NRDE2: variants seen among roughly 807,000 people sequenced by gnomAD.
NRDE2 encodes nuclear exosome regulator NRDE2.
NRDE2 carries 76 observed loss-of-function variants against 124.2 expected under a neutral mutation model. The observed-to-expected ratio is 0.61, with a 90% CI of 0.51 to 0.74. The LOEUF is 0.74. Among genes scored for constraint, NRDE2 ranks in the 30% least tolerant of loss-of-function variants. The pLI is 0.00. For synonymous variants in NRDE2, 489 were observed against 528.1 expected (o/e 0.93, Z 1.01); for missense variants, 1,314 against 1,417.3 (o/e 0.93, Z 1.17).
At chr14:90,324,266 T>C (rs1440230637) in intron 1 of NRDE2, among the ~76,000 whole-genome samples, 1 of 152,018 alleles carries the variant, frequency 6.6e-6, no homozygotes, top group Non-Finnish European at 1.5e-5. Flanking sequence ...TTAAAAAACA[T>C]GTTTGAGAGC....
rs1884464029 is a variant in NRDE2 at position 90,303,077 on chromosome 14, G to T, written c.1054C>A (p.Gln352Lys). 1 of 1,613,944 alleles carries T rather than the reference G, an allele frequency of 6.2e-7. No individual in the cohort carries two copies. Among genetic ancestry groups the T allele is most frequent in the Admixed American group, 1.7e-5 (1 of 60,008 alleles). ...TTCAGGGACCTCTTTCGCTTTTCCT[G>T]CTCTCCTTCCTCGATGGCATACAGG... is the stretch of plus-strand genomic sequence containing the variant. ...PGLYAIEEGEQEKRKRSLKLI... is the reference protein window; with the variant it reads ...PGLYAIEEGEKEKRKRSLKLI... The change falls in exon 6 of 14, where the codon CAG (glutamine) becomes AAG (lysine). Residue 352 changes from glutamine to lysine, a missense_variant. Transcript: ENST00000354366.
In NRDE2 at chr14:90,288,711, G is replaced by A. The variant is rs376403202; in HGVS notation, c.2664C>T (p.Asp888=). 6.2e-7 allele frequency: 1 copy of A among 1,614,076 alleles called. No individual in the cohort carries two copies. The highest frequency in any genetic ancestry group is 1.3e-5 in the African/African-American group (1 of 74,942). The part of the protein sequence containing the change: ...YEHALQDCLG[D]SCVSNPAPTD... ...TGGGAGCTGGATTGGAGACACAGCTGTCACCCAAACAGTCCTGCAGTGCGT... is the reference window on the plus strand; with the variant it reads ...TGGGAGCTGGATTGGAGACACAGCTATCACCCAAACAGTCCTGCAGTGCGT... Residue 888 remains aspartate (D), a synonymous_variant, in exon 11 of 14, where the codon GAC becomes GAT. Transcript: ENST00000354366.
At position 90,269,339 on chromosome 14, in the gene NRDE2, T is replaced by G; in HGVS notation, c.*8997A>C. 10 of 1,467,266 alleles carry G rather than the reference T, an allele frequency of 6.8e-6. No homozygotes were observed. Among genetic ancestry groups the G allele is most frequent in the Non-Finnish European group, 9.2e-6 (10 of 1,082,160 alleles). 90.9% of individuals were successfully genotyped at this position (1,467,266 alleles called of 1,614,324 possible). A position where few individuals can be genotyped will look rare whatever the true frequency, so the allele number is the denominator to read the frequency against. Reference sequence around the variant, plus strand: ...GTCACAATGAGGTCTTTGCTGTAATTCCCCTTGAGCAGGCGATCAGTTGAG... The same window carrying G: ...GTCACAATGAGGTCTTTGCTGTAATGCCCCTTGAGCAGGCGATCAGTTGAG... On this transcript the variant is annotated 3_prime_UTR_variant, in exon 14 of 14. Coordinates refer to ENST00000354366, the MANE Select transcript of NRDE2 (RefSeq NM_017970.4).
chr14:90,312,286 C>T (rs1286286920), intron 4 of NRDE2, 108 bp downstream of exon 4: 1 of 1,044,968 alleles, frequency 9.6e-7, no homozygotes. Context: ...TAAAACCCAA[C>T]AGAACTGATG....
intron 1 of NRDE2, among the ~76,000 whole-genome samples, chr14:90,321,805 G>A (rs1256186378): frequency 1.3e-5 from 2 of 152,170 alleles, no homozygotes; most frequent in African/African-American, 2.4e-5. Flanking sequence ...TCTAGTCCAT[G>A]GACTTCCAAA....
intron 9 of NRDE2, among the ~76,000 whole-genome samples, chr14:90,291,996 G>C (rs1168201395): frequency 2.0e-5 from 3 of 152,342 alleles, no homozygotes; most frequent in Non-Finnish European, 1.5e-5. Context: ...ACACAGAGTT[G>C]GTATCTGGTT....
intron 10 of NRDE2, among the ~76,000 whole-genome samples, chr14:90,289,980 T>A (rs888607886): frequency 6.6e-6 from 1 of 152,198 alleles, no homozygotes; most frequent in African/African-American, 2.4e-5. Context: ...GACCTGGTAG[T>A]GCAAGATAAT....
rs1449944698 is a variant in NRDE2, at chr14:90,288,474, G to C, written c.2901C>G (p.Ser967Arg). The change falls in exon 11 of 14, where the codon AGC becomes AGG. Residue 967 changes from serine (S) to arginine (R), a missense_variant. Ser to Arg is a moderately radical substitution (Grantham distance 110, BLOSUM62 -1). Coordinates refer to ENST00000354366, the MANE Select transcript of NRDE2 (RefSeq NM_017970.4). ...TCACTTTCATGTGGAATCTCAGCAG[G>C]CTCGTGTGCATCAGTGTGATGGCTT... Reference protein sequence around the residue: ...VLEAITLMHTSLLRFHMKVSV... With the variant: ...VLEAITLMHTRLLRFHMKVSV... The C allele has an allele frequency of 2.5e-6, 4 of 1,614,186 alleles. No homozygotes were observed. In the African/African-American group the frequency reaches 5.3e-5, roughly 22 times the overall value.
At chr14:90,311,735 A>ATT (rs1244420866) in intron 4 of NRDE2, among the ~76,000 whole-genome samples, 3 of 152,182 alleles carry the variant, frequency 2.0e-5, no homozygotes, top group Admixed American at 6.5e-5. Flanking sequence ...CTTGGGCCAC[A>ATT]CATAAAATAC....
intron 1 of NRDE2, among the ~76,000 whole-genome samples, chr14:90,324,932 T>C (rs1264935603): frequency 6.6e-6 from 1 of 152,114 alleles, no homozygotes; most frequent in African/African-American, 2.4e-5. Context: ...GTGTGGAGAG[T>C]GGCTCAGGGA....
intron 8 of NRDE2, among the ~76,000 whole-genome samples, chr14:90,294,204 A>G (rs1892347846): frequency 6.6e-6 from 1 of 152,118 alleles, no homozygotes; most frequent in Non-Finnish European, 1.5e-5. Flanking sequence ...AAAGTTACAC[A>G]AAACACAACT....
chr14:90,288,526 C>A lies in NRDE2; in HGVS notation c.2849G>T (p.Ser950Ile). 6.2e-7 allele frequency: 1 copy of A among 1,614,208 alleles called. No individual in the cohort carries two copies. Residue 950 changes from serine to isoleucine, a missense_variant, in exon 11 of 14, where the codon AGC becomes ATC. Ser to Ile is a moderately radical substitution (Grantham distance 142). Transcript: ENST00000354366. Reference sequence around the variant, plus strand: ...GAGAACACTGGTCCAACTCTGGGAGCTGGCACTGTCCCCCTCGCCAGAGCC... The same window carrying A: ...GAGAACACTGGTCCAACTCTGGGAGATGGCACTGTCCCCCTCGCCAGAGCC... ...PEGSGEGDSA[S>I]SQSWTSVLEA...
rs749339210 is a variant in NRDE2, at chr14:90,288,767, G to T, written c.2608C>A (p.His870Asn). ...GPYTGQVLAV[H>N]ILKARKAYEH... ...TAAGCCTTTCGCGCTTTCAAAATGT[G>T]AACAGCCAACACCTGTCCAGTGTAG... The change falls in exon 11 of 14, where the codon CAC becomes AAC. Residue 870 changes from histidine (H) to asparagine (N), a missense_variant. His to Asn is a moderately conservative substitution (Grantham distance 68, BLOSUM62 1). Coordinates refer to ENST00000354366, the MANE Select transcript of NRDE2 (RefSeq NM_017970.4). 2 of 1,613,946 alleles carry T rather than the reference G, an allele frequency of 1.2e-6. No individual in the cohort carries two copies. The highest frequency in any genetic ancestry group is 4.5e-5 in the East Asian group (2 of 44,892).
At chr14:90,300,603 T>C (rs1019027914) in intron 7 of NRDE2, among the ~76,000 whole-genome samples, 8 of 151,272 alleles carry the variant, frequency 5.3e-5, no homozygotes, top group African/African-American at 1.5e-4. Context: ...ATCTCAAACA[T>C]TGGCAATGCT....
chr14:90,310,230 G>A (rs1469772191), intron 4 of NRDE2, among the ~76,000 whole-genome samples: 1 of 152,050 alleles, frequency 6.6e-6, no homozygotes, highest in East Asian at 1.9e-4. Flanking sequence ...TCTAGAAAAC[G>A]TCCTACCACA....
chr14:90,268,467 C>G lies in NRDE2; in HGVS notation c.*9869G>C, dbSNP rs1274780321. 6.4e-7 allele frequency: 1 copy of G among 1,556,662 alleles called. No homozygotes were observed. The highest frequency in any genetic ancestry group is 1.1e-5 in the South Asian group (1 of 87,020). The stretch of plus-strand genomic sequence containing the variant: ...GTTTAGTAGGGAACACCGCATAGCT[C>G]TTCTCTTGAGAATGAGCAATCTCAG... On this transcript the variant is annotated 3_prime_UTR_variant, in exon 14 of 14. Coordinates refer to ENST00000354366, the MANE Select transcript of NRDE2 (RefSeq NM_017970.4).
chr14:90,286,442 T>A lies in NRDE2; in HGVS notation c.3209A>T (p.His1070Leu). 2 of 1,614,206 alleles carry A rather than the reference T, an allele frequency of 1.2e-6. No homozygotes were observed. The highest frequency in any genetic ancestry group is 1.7e-6 in the Non-Finnish European group (2 of 1,180,016). Residue 1070 changes from histidine to leucine, a missense_variant, in exon 12 of 14, where the codon CAT becomes CTT. Transcript: ENST00000354366. ...HATIPETGLM[H>L]RIQALFENAM... ...ATTTTCAAACAGGGCTTGGATCCGA[T>A]GCATTAAGCCGGTCTCAGGAATTGT...
At position 90,274,832 on chromosome 14, in the gene NRDE2, A is replaced by AC. The variant is rs1401375991; in HGVS notation, c.*3503dup. ...CACACACACACACACACACACACAC[A>AC]CACACACCCCAATACATATGAATTG... is the stretch of plus-strand genomic sequence containing the variant. On this transcript the variant is annotated 3_prime_UTR_variant, in exon 14 of 14. Transcript: ENST00000354366. The AC allele has an allele frequency of 9.4e-4, 61 of 64,640 alleles. 1 individual carries two copies. Among genetic ancestry groups the AC allele is most frequent in the Admixed American group, 8.3e-3 (49 of 5,932 alleles). The allele number at this position is 64,640 out of a possible 1,614,324, so 4.0% of individuals were successfully genotyped here.
intron 12 of NRDE2, among the ~76,000 whole-genome samples, chr14:90,282,496 A>C (rs1454525967): frequency 6.6e-6 from 1 of 152,034 alleles, no homozygotes; most frequent in Non-Finnish European, 1.5e-5. Flanking sequence ...AAAACAAAAA[A>C]AACTTTGGCT....
Sources: allele counts gnomAD v4.1 joint callset (sites outside exome capture counted in the v4.1 genomes callset), GRCh38; gene constraint gnomAD v4.1.1; transcripts MANE v1.5; gene names NCBI Gene and HGNC (gene_info 2026-07-23, HGNC 2026-07-21).